The following PRPF18 variants were observed in gnomAD, a reference collection of about 807,000 sequenced individuals.
The protein encoded by PRPF18 is pre-mRNA-splicing factor 18.
In PRPF18, 38 loss-of-function variants were observed where a neutral mutation model predicts 46.5. The ratio of observed to expected loss-of-function variants is 0.82; its 90% CI spans 0.63 to 1.07. The LOEUF is 1.07. Ranked by LOEUF, PRPF18 falls within the 50% of genes least tolerant of loss-of-function variation. The probability of loss-of-function intolerance (pLI) is 0.00; values close to 1 mark genes in which losing one functional copy is unlikely to be tolerated. For missense variants in PRPF18, 263 were observed against 410.0 expected, an observed-to-expected ratio of 0.64 and a Z score of 3.10; for synonymous variants, 152 against 146.7, an observed-to-expected ratio of 1.04 and a Z score of -0.26.
chr10:13,647,799 A>C, the PRPF18 span: 1 of 150,634 alleles, frequency 6.6e-6, no homozygotes, highest in Non-Finnish European at 1.5e-5. Context: ...GTAATTCTTA[A>C]ATCTTAAGAA....
the PRPF18 span, chr10:13,651,362 C>CTTTT: frequency 6.5e-6 from 1 of 152,842 alleles, no homozygotes; most frequent in Non-Finnish European, 1.5e-5. Flanking sequence ...TGATGCTGTT[C>CTTTT]TTTTCAGGGA....
At chr10:13,625,306 G>T (rs1436908332) in intron 9 of PRPF18, among the ~76,000 whole-genome samples, 1 of 152,090 alleles carries the variant, frequency 6.6e-6, no homozygotes, top group African/African-American at 2.4e-5. Flanking sequence ...TGACAGACGG[G>T]TCTGAAAACA....
chr10:13,618,760 C>A (rs942342575), intron 9 of PRPF18, among the ~76,000 whole-genome samples: 4 of 151,556 alleles, frequency 2.6e-5, no homozygotes, highest in African/African-American at 4.8e-5. Context: ...CCCCTAGAAT[C>A]TAGAACAATA....
intron 1 of PRPF18, among the ~76,000 whole-genome samples, chr10:13,594,980 A>G (rs899056960): frequency 2.0e-5 from 3 of 152,236 alleles, no homozygotes; most frequent in African/African-American, 7.2e-5. Context: ...TGTGTACTCA[A>G]AGGTTGAGAT....
intron 4 of PRPF18, among the ~76,000 whole-genome samples, chr10:13,606,302 G>C (rs2080183597): frequency 6.6e-6 from 1 of 152,218 alleles, no homozygotes; most frequent in Admixed American, 6.5e-5. Context: ...CATAGATTGT[G>C]TGTCTGGCTT....
At chr10:13,636,824 T>A in the PRPF18 span, among the ~76,000 whole-genome samples, 1 of 152,226 alleles carries the variant, frequency 6.6e-6, no homozygotes, top group Non-Finnish European at 1.5e-5. Flanking sequence ...ATACCATCAG[T>A]TGTACCCATT....
the PRPF18 span, chr10:13,655,678 C>G: frequency 6.6e-6 from 1 of 152,170 alleles, no homozygotes; most frequent in Non-Finnish European, 1.5e-5. Flanking sequence ...AGATGAACCC[C>G]CCATTATCTC....
chr10:13,597,786 T>A, intron 2 of PRPF18: 1 of 749,926 alleles, frequency 1.3e-6, no homozygotes, highest in Non-Finnish European at 2.0e-6. Flanking sequence ...TGGCTTGAGA[T>A]CAAAGCTTGA....
At position 13,605,668 on chromosome 10, in the gene PRPF18, G is replaced by A. The variant is rs1351426560; in HGVS notation, c.287G>A (p.Arg96Lys). The A allele has an allele frequency of 1.9e-6, 3 of 1,611,732 alleles. No homozygotes were observed. The highest frequency in any genetic ancestry group is 2.5e-6 in the Non-Finnish European group (3 of 1,179,066). ...RRLRERGEPI[R>K]LFGETDYDAF... ...TTGAGAGAAAGAGGAGAACCAATCA[G>A]ACTATTTGGAGAGACTGATTATGAT... Residue 96 changes from arginine (R) to lysine (K), a missense_variant, in exon 4 of 10, where the codon AGA becomes AAA. By Grantham distance (26) the Arg-to-Lys change is conservative. This residue lies in a region of PRPF18 where 155 missense variants were observed against 245.1 expected (regional missense o/e 0.63). Transcript: ENST00000378572.
At chr10:13,652,083 GCTGATTAGACAC>G in the PRPF18 span, 9 of 743,206 alleles carry the variant, frequency 1.2e-5, no homozygotes, top group African/African-American at 1.4e-4. Context: ...CGAAAGGCTT[GCTGATTAGACAC>G]CTGAGTTAGC....
At chr10:13,638,299 CT>C in the PRPF18 span, among the ~76,000 whole-genome samples, 730 of 125,024 alleles carry the variant, frequency 5.8e-3, 3 homozygotes, top group African/African-American at 9.7e-3. Flanking sequence ...CTTGGCTTTT[CT>C]TTTTTTTTTT....
chr10:13,654,609 A>G, the PRPF18 span: 10 of 729,524 alleles, frequency 1.4e-5, no homozygotes, highest in Non-Finnish European at 2.2e-5. Flanking sequence ...CCCAGTGGCC[A>G]GAGGTCACCA....
downstream of PRPF18, among the ~76,000 whole-genome samples, chr10:13,634,174 A>G (rs918014956): frequency 6.6e-6 from 1 of 152,252 alleles, no homozygotes; most frequent in African/African-American, 2.4e-5. Context: ...ACAATTTATC[A>G]TGAAAGCATT....
At chr10:13,653,326 CAACGTGGTGAA>C in the PRPF18 span, 1 of 152,254 alleles carries the variant, frequency 6.6e-6, no homozygotes, top group Non-Finnish European at 1.5e-5. Context: ...CCAGCCTGGC[CAACGTGGTGAA>C]ACCCTGTCTC....
At chr10:13,637,305 G>A in the PRPF18 span, 1 of 152,184 alleles carries the variant, frequency 6.6e-6, no homozygotes, top group Admixed American at 6.5e-5. Context: ...GGAGTTGAGA[G>A]TTCCAGTTAC....
chr10:13,591,850 C>T (rs779718967), intron 1 of PRPF18: 1 of 1,428,856 alleles, frequency 7.0e-7, no homozygotes, highest in Non-Finnish European at 9.4e-7. Flanking sequence ...CCTCTTGCCT[C>T]TGTGGAATCC....
At chr10:13,621,459 C>A (rs900417103) in intron 9 of PRPF18, among the ~76,000 whole-genome samples, 2 of 152,154 alleles carry the variant, frequency 1.3e-5, no homozygotes, top group African/African-American at 4.8e-5. Flanking sequence ...GTGGCTGTCT[C>A]CATACAGCTA....
intron 9 of PRPF18, among the ~76,000 whole-genome samples, chr10:13,616,842 G>A (rs899272569): frequency 6.6e-6 from 1 of 151,938 alleles, no homozygotes; most frequent in East Asian, 1.9e-4. Flanking sequence ...ACGTGTATTA[G>A]GAAGTAAAAG....
chr10:13,612,710 G>A (rs976408265), intron 6 of PRPF18, among the ~76,000 whole-genome samples: 2 of 138,784 alleles, frequency 1.4e-5, no homozygotes, highest in Non-Finnish European at 3.0e-5. Context: ...CTAGCTCGCT[G>A]TAACCTTGAA....
Sources: allele counts gnomAD v4.1 joint callset (sites outside exome capture counted in the v4.1 genomes callset), GRCh38; gene constraint gnomAD v4.1.1; regional missense constraint gnomAD v4.1.1; transcripts MANE v1.5; gene names NCBI Gene and HGNC (gene_info 2026-07-23, HGNC 2026-07-21).